The following BCKDHA variants were observed in gnomAD, a reference collection of about 807,000 sequenced individuals.
BCKDHA encodes the protein 2-oxoisovalerate dehydrogenase subunit alpha, mitochondrial.
BCKDHA carries 43 observed loss-of-function variants against 52.2 expected under a neutral mutation model. That is an observed-to-expected ratio of 0.82 (90% CI 0.64 to 1.06). The LOEUF is 1.06. Ranked by LOEUF, BCKDHA falls within the 50% of genes least tolerant of loss-of-function variation. BCKDHA has a pLI of 0.00. For missense variants in BCKDHA, 527 were observed against 621.3 expected (o/e 0.85, Z 1.61); for synonymous variants, 234 against 247.9 (o/e 0.94, Z 0.53).
rs1291640033 is a variant in BCKDHA at position 41,414,077 on chromosome 19, A to G, written c.404A>G (p.Tyr135Cys). ...CGGATCTCCTTCTACATGACCAACT[A>G]TGGTGAGGAGGGCACGCACGTGGGG... Reference protein sequence around the residue: ...QGRISFYMTNYGEEGTHVGSA... With the variant: ...QGRISFYMTNCGEEGTHVGSA... Residue 135 changes from tyrosine (Y) to cysteine (C), a missense_variant, in exon 4 of 9, where the codon TAT (tyrosine) becomes TGT (cysteine). Physicochemically the swap from Tyr to Cys is radical, Grantham distance 194 (BLOSUM62 -2). Transcript: ENST00000269980. 3 of 1,613,580 alleles carry G rather than the reference A, an allele frequency of 1.9e-6. No individual in the cohort carries two copies. Among genetic ancestry groups the G allele is most frequent in the South Asian group, 1.1e-5 (1 of 91,088 alleles).
intron 5 of BCKDHA, among the ~76,000 whole-genome samples, chr19:41,419,546 A>G (rs1395452595): frequency 6.6e-6 from 1 of 152,092 alleles, no homozygotes; most frequent in Non-Finnish European, 1.5e-5. Flanking sequence ...GCTTCAAGCA[A>G]TTCTCCTGCC....
chr19:41,407,471 C>T (rs540968938), intron 1 of BCKDHA, among the ~76,000 whole-genome samples: 3 of 152,050 alleles, frequency 2.0e-5, no homozygotes, highest in African/African-American at 2.4e-5. Context: ...GAGACAGACA[C>T]GAAACAAAGC....
At chr19:41,422,068 C>T (rs902309250) in intron 5 of BCKDHA, 96 bp from the exon 6 acceptor site, 18 of 1,270,840 alleles carry the variant, frequency 1.4e-5, no homozygotes, top group Admixed American at 2.0e-5. Flanking sequence ...TGACTGCTGG[C>T]CTGAGCCACG....
chr19:41,412,063 G>T (rs1408717026), intron 3 of BCKDHA, among the ~76,000 whole-genome samples: 1 of 152,212 alleles, frequency 6.6e-6, no homozygotes, highest in Non-Finnish European at 1.5e-5. Context: ...GGCTGCCTTT[G>T]TTCCGCTTTA....
Position 41,423,099 on chromosome 19 carries a change from A to T in BCKDHA, c.1097A>T (p.His366Leu), listed in dbSNP as rs755950305. ...KQDHPISRLR[H>L]YLLSQGWWDE... ...GACCACCCCATCTCCCGGCTGCGGC[A>T]CTATCTGCTGAGCCAAGGCTGGTGG... Residue 366 changes from histidine (H) to leucine (L), a missense_variant, in exon 8 of 9, where the codon CAC (histidine) becomes CTC (leucine). Transcript: ENST00000269980. The T allele has an allele frequency of 1.9e-6, 3 of 1,569,552 alleles. No homozygotes were observed. Among genetic ancestry groups the T allele is most frequent in the Admixed American group, 3.8e-5 (2 of 52,718 alleles).
intron 1 of BCKDHA, among the ~76,000 whole-genome samples, chr19:41,398,813 G>A (rs889590787): frequency 8.0e-6 from 1 of 124,872 alleles, no homozygotes; most frequent in Admixed American, 7.9e-5. Flanking sequence ...TTGCTCTGCC[G>A]CTTTCCACTT....
In BCKDHA at chr19:41,397,859, G is replaced by A; in HGVS notation, c.32G>A (p.Trp11Ter). The A allele has an allele frequency of 1.2e-6, 2 of 1,614,188 alleles. No homozygotes were observed. Among genetic ancestry groups the A allele is most frequent in the African/African-American group, 1.3e-5 (1 of 75,058 alleles). Residue 11 changes from tryptophan to a stop codon, truncating the protein, a stop_gained, in exon 1 of 9, where the codon TGG becomes TAG. Transcript: ENST00000269980. LOFTEE classifies it high-confidence loss of function. The stretch of plus-strand genomic sequence containing the variant: ...GTAGCGATCGCTGCAGCGAGGGTCT[G>A]GCGGCTAAACCGTGGTTTGAGCCAG... MAVAIAAARV[W>*]RLNRGLSQAA... is the part of the protein sequence containing the mutation.
intron 5 of BCKDHA, among the ~76,000 whole-genome samples, chr19:41,421,458 G>GC (rs869210134): frequency 5.0e-5 from 1 of 20,164 alleles, no homozygotes; most frequent in East Asian, 5.8e-4. Context: ...GAGGATGTGA[G>GC]GGGGGAGCTG....
At chr19:41,403,091 C>T (rs1048886498) in intron 1 of BCKDHA, among the ~76,000 whole-genome samples, 2 of 152,166 alleles carry the variant, frequency 1.3e-5, no homozygotes, top group African/African-American at 2.4e-5. Flanking sequence ...CTCAGAGAAG[C>T]GTTCCAGACC....
At chr19:41,419,074 C>T in intron 4 of BCKDHA, 61 bp from the exon 5 acceptor site, 1 of 1,594,314 alleles carries the variant, frequency 6.3e-7, no homozygotes, top group East Asian at 2.2e-5. Context: ...AGGTCACCCA[C>T]AGGGCTGAAC....
Position 41,424,676 on chromosome 19 carries a change from G to A in BCKDHA, c.*68G>A, listed in dbSNP as rs375492462. The A allele has an allele frequency of 1.1e-3, 1,693 of 1,506,104 alleles. 32 individuals are homozygous for A. In the South Asian group the frequency reaches 0.02, roughly 18 times the overall value. The allele number at this position is 1,506,104 out of a possible 1,614,324, so 93.3% of individuals were successfully genotyped here. On this transcript the variant is annotated 3_prime_UTR_variant, in exon 9 of 9. Transcript: ENST00000269980. ...AGGTAGCCCCACTCTAAGGGGAGCA[G>A]GGGGACCTGACAGCACACCACTGTC... is the stretch of plus-strand genomic sequence containing the variant.
intron 4 of BCKDHA, 47 bp from the exon 5 acceptor site, chr19:41,419,087 TC>T (rs1555766609): frequency 1.9e-6 from 3 of 1,606,542 alleles, no homozygotes; most frequent in African/African-American, 1.3e-5. Flanking sequence ...GGCTGAACTG[TC>T]CCCCTGTACT....
chr19:41,417,616 C>G (rs1407202393), intron 4 of BCKDHA, among the ~76,000 whole-genome samples: 2 of 152,174 alleles, frequency 1.3e-5, no homozygotes, highest in African/African-American at 2.4e-5. Flanking sequence ...TAACCACCCT[C>G]AACTCTAACT....
Position 41,397,870 on chromosome 19 carries a change from C to T in BCKDHA, c.43C>T (p.Arg15Cys), listed in dbSNP as rs371408960. Residue 15 changes from arginine to cysteine, a missense_variant, in exon 1 of 9, where the codon CGT (arginine) becomes TGT (cysteine). Physicochemically the swap from Arg to Cys is radical, Grantham distance 180. Coordinates refer to ENST00000269980, the MANE Select transcript of BCKDHA (RefSeq NM_000709.4). ...TGCAGCGAGGGTCTGGCGGCTAAAC[C>T]GTGGTTTGAGCCAGGCTGCCCTCCT... Reference protein sequence around the residue: ...IAAARVWRLNRGLSQAALLLL... With the variant: ...IAAARVWRLNCGLSQAALLLL... 5 of 1,614,022 alleles carry T rather than the reference C, an allele frequency of 3.1e-6. No homozygotes were observed. In the African/African-American group the frequency reaches 5.3e-5, roughly 17 times the overall value.
Position 41,418,233 on chromosome 19 carries a change from C to T in BCKDHA, c.485-902C>T, listed in dbSNP as rs118051219. Among the ~76,000 whole-genome samples, 243 of 152,228 alleles carry T rather than the reference C, an allele frequency of 1.6e-3. 2 individuals are homozygous for T. In the East Asian group the frequency reaches 0.04, roughly 25 times the overall value. ...GAGAGCTCCCTCTGAATAATGTTCCCGGTCTGAGTGCTTGCAGCATTGATC... is the reference window on the plus strand; with the variant it reads ...GAGAGCTCCCTCTGAATAATGTTCCTGGTCTGAGTGCTTGCAGCATTGATC... On this transcript the variant is annotated intron_variant, in intron 4 of 8. Coordinates refer to ENST00000269980, the MANE Select transcript of BCKDHA (RefSeq NM_000709.4).
rs759946735 is a variant in BCKDHA at position 41,422,205 on chromosome 19, A to G, written c.688A>G (p.Arg230Gly). The change falls in exon 6 of 9, where the codon AGG (arginine) becomes GGG (glycine). Residue 230 changes from arginine to glycine, a missense_variant. Physicochemically the swap from Arg to Gly is moderately radical, Grantham distance 125 (BLOSUM62 -2). Transcript: ENST00000269980. Reference protein sequence around the residue: ...AYAAKRANANRVVICYFGEGA... With the variant: ...AYAAKRANANGVVICYFGEGA... Reference sequence around the variant, plus strand: ...CGCAGCCAAGCGGGCCAATGCCAACAGGGTCGTCATCTGTTACTTCGGCGA... The same window carrying G: ...CGCAGCCAAGCGGGCCAATGCCAACGGGGTCGTCATCTGTTACTTCGGCGA... 9 of 1,614,122 alleles carry G rather than the reference A, an allele frequency of 5.6e-6. No individual in the cohort carries two copies. The highest frequency in any genetic ancestry group is 7.6e-6 in the Non-Finnish European group (9 of 1,179,996).
intron 4 of BCKDHA, among the ~76,000 whole-genome samples, chr19:41,415,031 T>G (rs1314310803): frequency 1.3e-5 from 2 of 152,060 alleles, no homozygotes; most frequent in Non-Finnish European, 1.5e-5. Flanking sequence ...GGCCAGGGGT[T>G]GGTGTCATGA....
intron 4 of BCKDHA, among the ~76,000 whole-genome samples, chr19:41,418,337 C>T (rs2039328140): frequency 1.3e-5 from 2 of 152,164 alleles, no homozygotes; most frequent in South Asian, 4.1e-4. Context: ...TGAGGGCAAT[C>T]ACAAACCCCC....
chr19:41,415,015 G>A (rs1432711164), intron 4 of BCKDHA, among the ~76,000 whole-genome samples: 4 of 152,294 alleles, frequency 2.6e-5, no homozygotes, highest in African/African-American at 9.6e-5. Context: ...CAGAGTAAGC[G>A]CTCAGGGCCA....
Sources: allele counts gnomAD v4.1 joint callset (sites outside exome capture counted in the v4.1 genomes callset), GRCh38; gene constraint gnomAD v4.1.1; transcripts MANE v1.5; gene names NCBI Gene and HGNC (gene_info 2026-07-23, HGNC 2026-07-21).